NOPCHAP1: variants seen among roughly 807,000 people sequenced by gnomAD.
The protein encoded by NOPCHAP1 is DNA damage-sensitive RNA 1.
NOPCHAP1 carries 13 observed loss-of-function variants against 14.0 expected under a neutral mutation model. That is an observed-to-expected ratio of 0.93 (90% CI 0.60 to 1.47). NOPCHAP1 has a LOEUF of 1.47. Ranked by LOEUF, NOPCHAP1 falls within the 40% of genes most tolerant of loss-of-function variation. The pLI is 0.00. For missense variants in NOPCHAP1, 230 were observed against 226.9 expected, an observed-to-expected ratio of 1.01 and a Z score of -0.09; for synonymous variants, 78 against 78.4, an observed-to-expected ratio of 1.00 and a Z score of 0.03.
chr12:104,988,997 T>G (rs554049499), intron 2 of NOPCHAP1, among the ~76,000 whole-genome samples: 1 of 152,110 alleles, frequency 6.6e-6, no homozygotes, highest in East Asian at 1.9e-4. Flanking sequence ...TGCGGGTATA[T>G]AGAAGGTGTA....
In NOPCHAP1 at chr12:105,012,318, T is replaced by G. The variant is rs974780894; in HGVS notation, c.*17622T>G. ...TGTATGCTTCACGAAGTTCTTGGGCTGTGTTTTTCAGCTCCATCAGGTCAT... is the reference window on the plus strand; with the variant it reads ...TGTATGCTTCACGAAGTTCTTGGGCGGTGTTTTTCAGCTCCATCAGGTCAT... On this transcript the variant is annotated 3_prime_UTR_variant, in exon 4 of 4. Transcript: ENST00000552951. 1 of 152,246 alleles carries G rather than the reference T, an allele frequency of 6.6e-6. No homozygotes were observed. Among genetic ancestry groups the G allele is most frequent in the Non-Finnish European group, 1.5e-5 (1 of 68,042 alleles). The allele number at this position is 152,246 out of a possible 1,614,324, so 9.4% of individuals were successfully genotyped here. A position where few individuals can be genotyped will look rare whatever the true frequency, so the allele number is the denominator to read the frequency against.
Position 104,994,902 on chromosome 12 carries a change from G to C in NOPCHAP1, c.*206G>C. On this transcript the variant is annotated 3_prime_UTR_variant, in exon 4 of 4. Coordinates refer to ENST00000552951, the MANE Select transcript of NOPCHAP1 (RefSeq NM_152318.3). ...CATTGTAAACTGAAAGGGGTTCAGA[G>C]ACCTCCGCTCTACAGCAAGGAAAGT... The C allele has an allele frequency of 1.8e-6, 1 of 542,346 alleles. No homozygotes were observed. The allele number at this position is 542,346 out of a possible 1,614,324, so 33.6% of individuals were successfully genotyped here. A position where few individuals can be genotyped will look rare whatever the true frequency, so the allele number is the denominator to read the frequency against.
At chr12:104,990,942 G>A (rs180868000) in intron 2 of NOPCHAP1, among the ~76,000 whole-genome samples, 2 of 152,288 alleles carry the variant, frequency 1.3e-5, no homozygotes, top group East Asian at 3.9e-4. Flanking sequence ...TCAGAGGTCA[G>A]CCACTCTGTC....
rs1387581587 is a variant in NOPCHAP1, at chr12:104,994,978, G to C, written c.*282G>C. The stretch of plus-strand genomic sequence containing the variant: ...GTAGAGTACAGGAATAACTTGATGG[G>C]TTACAGCTAGGTGTTTGCCTAAATA... On this transcript the variant is annotated 3_prime_UTR_variant, in exon 4 of 4. Coordinates refer to ENST00000552951, the MANE Select transcript of NOPCHAP1 (RefSeq NM_152318.3). 4 of 376,452 alleles carry C rather than the reference G, an allele frequency of 1.1e-5. No homozygotes were observed. The highest frequency in any genetic ancestry group is 4.3e-5 in the African/African-American group (2 of 46,886). 23.3% of individuals were successfully genotyped at this position (376,452 alleles called of 1,614,324 possible). A position where few individuals can be genotyped will look rare whatever the true frequency, so the allele number is the denominator to read the frequency against.
Position 105,002,385 on chromosome 12 carries a change from C to T in NOPCHAP1, c.*7689C>T, listed in dbSNP as rs1368163515. 6.6e-6 allele frequency: 1 copy of T among 152,162 alleles called. No homozygotes were observed. The highest frequency in any genetic ancestry group is 6.5e-5 in the Admixed American group (1 of 15,276). 9.4% of individuals were successfully genotyped at this position (152,162 alleles called of 1,614,324 possible). On this transcript the variant is annotated 3_prime_UTR_variant, in exon 4 of 4. Transcript: ENST00000552951. ...AGGTTACTAAGTTCAGGATGAGCTC[C>T]ATTTACAAATAGAGCAGTTAATCCT...
Position 104,994,692 on chromosome 12 carries a change from AAT to A in NOPCHAP1, c.556_557del (p.Ter186ValfsTer3). The A allele has an allele frequency of 6.3e-7, 1 of 1,599,276 alleles. No individual in the cohort carries two copies. The highest frequency in any genetic ancestry group is 1.3e-5 in the African/African-American group (1 of 74,340). ...GACAGTCCAGCAAGTAAAAAAAAGA[AAT>A]AGTCAAATAAATTATCTGAAAAGAA... On this transcript the variant is annotated frameshift_variant and stop_lost, in exon 4 of 4. Coordinates refer to ENST00000552951, the MANE Select transcript of NOPCHAP1 (RefSeq NM_152318.3). LOFTEE classifies it high-confidence loss of function.
At position 105,009,798 on chromosome 12, in the gene NOPCHAP1, A is replaced by G. The variant is rs1190058515; in HGVS notation, c.*15102A>G. ...TTTGTGTATGTTGAACCAGCCTTGC[A>G]TCCCAGGGATGAAGCTGACTTGATT... On this transcript the variant is annotated 3_prime_UTR_variant, in exon 4 of 4. Coordinates refer to ENST00000552951, the MANE Select transcript of NOPCHAP1 (RefSeq NM_152318.3). 1.3e-5 allele frequency: 2 copies of G among 152,222 alleles called. No homozygotes were observed. The highest frequency in any genetic ancestry group is 2.9e-5 in the Non-Finnish European group (2 of 68,034). The allele number at this position is 152,222 out of a possible 1,614,324, so 9.4% of individuals were successfully genotyped here. A position where few individuals can be genotyped will look rare whatever the true frequency, so the allele number is the denominator to read the frequency against.
chr12:104,993,879 G>T (rs1389411545), intron 3 of NOPCHAP1, among the ~76,000 whole-genome samples: 1 of 152,126 alleles, frequency 6.6e-6, no homozygotes, highest in African/African-American at 2.4e-5. Context: ...AGTACCTAGT[G>T]TAGTGCCTAA....
In NOPCHAP1 at chr12:105,009,962, G is replaced by A. The variant is rs921404401; in HGVS notation, c.*15266G>A. ...TGTCTTTGCCAGGTTTTGGTATCACGATGATGCTGGTGTCATAAAATGAAT... is the reference window on the plus strand; with the variant it reads ...TGTCTTTGCCAGGTTTTGGTATCACAATGATGCTGGTGTCATAAAATGAAT... On this transcript the variant is annotated 3_prime_UTR_variant, in exon 4 of 4. Coordinates refer to ENST00000552951, the MANE Select transcript of NOPCHAP1 (RefSeq NM_152318.3). 6.6e-6 allele frequency: 1 copy of A among 152,172 alleles called. No individual in the cohort carries two copies. The highest frequency in any genetic ancestry group is 2.4e-5 in the African/African-American group (1 of 41,432). 9.4% of individuals were successfully genotyped at this position (152,172 alleles called of 1,614,324 possible).
In NOPCHAP1 at chr12:104,997,489, A is replaced by G. The variant is rs1440640315; in HGVS notation, c.*2793A>G. 1 of 152,246 alleles carries G rather than the reference A, an allele frequency of 6.6e-6. No homozygotes were observed. Among genetic ancestry groups the G allele is most frequent in the Non-Finnish European group, 1.5e-5 (1 of 68,054 alleles). 9.4% of individuals were successfully genotyped at this position (152,246 alleles called of 1,614,324 possible). ...CATGTACCCTAAAACTTAAAGTATAATAATAAAAATAAATAAATAAAGAAT... is the reference window on the plus strand; with the variant it reads ...CATGTACCCTAAAACTTAAAGTATAGTAATAAAAATAAATAAATAAAGAAT... On this transcript the variant is annotated 3_prime_UTR_variant, in exon 4 of 4. Coordinates refer to ENST00000552951, the MANE Select transcript of NOPCHAP1 (RefSeq NM_152318.3).
chr12:104,987,106 T>C (rs963617111), intron 1 of NOPCHAP1, among the ~76,000 whole-genome samples: 1 of 152,212 alleles, frequency 6.6e-6, no homozygotes, highest in Admixed American at 6.5e-5. Context: ...TGTAGAATTT[T>C]TGTGAGGAGG....
chr12:104,987,857 G>A (rs1033196759), intron 1 of NOPCHAP1, among the ~76,000 whole-genome samples: 9 of 152,118 alleles, frequency 5.9e-5, no homozygotes, highest in African/African-American at 1.7e-4. Context: ...TGTTTCCTCC[G>A]TTCTGTCATT....
At chr12:104,987,085 G>A (rs1007787967) in intron 1 of NOPCHAP1, among the ~76,000 whole-genome samples, 9 of 152,224 alleles carry the variant, frequency 5.9e-5, no homozygotes, top group African/African-American at 2.2e-4. Flanking sequence ...AATGGTGATA[G>A]TAGTAATGCC....
Position 105,001,926 on chromosome 12 carries a change from C to T in NOPCHAP1, c.*7230C>T, listed in dbSNP as rs768761966. The T allele has an allele frequency of 4.0e-5, 6 of 151,876 alleles. No individual in the cohort carries two copies. Among genetic ancestry groups the T allele is most frequent in the Middle Eastern group, 6.8e-3 (2 of 294 alleles). The allele number at this position is 151,876 out of a possible 1,614,324, so 9.4% of individuals were successfully genotyped here. On this transcript the variant is annotated 3_prime_UTR_variant, in exon 4 of 4. Transcript: ENST00000552951. ...AATAGTACTTTGAGTTGCTGTTTAT[C>T]CATGTTTATTTAAAGGTATTATGGG...
chr12:105,011,800 G>A lies in NOPCHAP1; in HGVS notation c.*17104G>A, dbSNP rs903985437. Reference sequence around the variant, plus strand: ...CTGGGTTGAAAATTCTTCTTTTTAAGAATGTTGAATATTGGCCCCCACTCT... The same window carrying A: ...CTGGGTTGAAAATTCTTCTTTTTAAAAATGTTGAATATTGGCCCCCACTCT... On this transcript the variant is annotated 3_prime_UTR_variant, in exon 4 of 4. Coordinates refer to ENST00000552951, the MANE Select transcript of NOPCHAP1 (RefSeq NM_152318.3). The A allele has an allele frequency of 2.6e-5, 4 of 152,202 alleles. No individual in the cohort carries two copies. The highest frequency in any genetic ancestry group is 4.8e-5 in the African/African-American group (2 of 41,448). 9.4% of individuals were successfully genotyped at this position (152,202 alleles called of 1,614,324 possible).
At chr12:104,986,553 C>T (rs908844253) in intron 1 of NOPCHAP1, 86 bp downstream of exon 1, 76 of 1,157,088 alleles carry the variant, frequency 6.6e-5, no homozygotes, top group Non-Finnish European at 7.2e-5. Flanking sequence ...GCCGGTGGCT[C>T]CCTGCCCGGG....
rs1444287816 is a variant in NOPCHAP1, at chr12:105,006,352, G to T, written c.*11656G>T. ...GTATCATGTATAATGAGCCTTAAAGGTCTTCATGATCCCCTGACCCTAGAG... is the reference window on the plus strand; with the variant it reads ...GTATCATGTATAATGAGCCTTAAAGTTCTTCATGATCCCCTGACCCTAGAG... On this transcript the variant is annotated 3_prime_UTR_variant, in exon 4 of 4. Transcript: ENST00000552951. 6.6e-6 allele frequency: 1 copy of T among 152,060 alleles called. No homozygotes were observed. The highest frequency in any genetic ancestry group is 1.5e-5 in the Non-Finnish European group (1 of 68,034). 9.4% of individuals were successfully genotyped at this position (152,060 alleles called of 1,614,324 possible). A position where few individuals can be genotyped will look rare whatever the true frequency, so the allele number is the denominator to read the frequency against.
chr12:104,988,725 C>T (rs1486082476), intron 2 of NOPCHAP1, among the ~76,000 whole-genome samples: 2 of 151,928 alleles, frequency 1.3e-5, no homozygotes, highest in Non-Finnish European at 2.9e-5. Flanking sequence ...ACACGAATGC[C>T]CTCTATGTAA....
At position 105,006,109 on chromosome 12, in the gene NOPCHAP1, T is replaced by C. The variant is rs1873703866; in HGVS notation, c.*11413T>C. The C allele has an allele frequency of 6.6e-6, 1 of 152,226 alleles. No homozygotes were observed. The highest frequency in any genetic ancestry group is 2.4e-5 in the African/African-American group (1 of 41,464). 9.4% of individuals were successfully genotyped at this position (152,226 alleles called of 1,614,324 possible). A position where few individuals can be genotyped will look rare whatever the true frequency, so the allele number is the denominator to read the frequency against. Reference sequence around the variant, plus strand: ...CCTTTTTTGCCACATTCACAATCTCTTTCATGATTTCCTTGATTGGCTCTG... The same window carrying C: ...CCTTTTTTGCCACATTCACAATCTCCTTCATGATTTCCTTGATTGGCTCTG... On this transcript the variant is annotated 3_prime_UTR_variant, in exon 4 of 4. Transcript: ENST00000552951.
Sources: allele counts gnomAD v4.1 joint callset (sites outside exome capture counted in the v4.1 genomes callset), GRCh38; gene constraint gnomAD v4.1.1; transcripts MANE v1.5; gene names NCBI Gene and HGNC (gene_info 2026-07-23, HGNC 2026-07-21).